The following NUGGC variants were observed in gnomAD, a reference collection of about 807,000 sequenced individuals.
NUGGC encodes nuclear GTPase, germinal center associated, also known as nuclear GTPase SLIP-GC.
Under a neutral mutation model 92.6 loss-of-function variants are expected in NUGGC, and 58 were observed. The observed-to-expected ratio is 0.63, with a 90% CI of 0.51 to 0.78. The LOEUF (loss-of-function observed/expected upper bound fraction) is 0.78. Ranked by LOEUF, NUGGC falls within the 30% of genes least tolerant of loss-of-function variation. The probability of loss-of-function intolerance (pLI) is 0.00; values close to 1 mark genes in which losing one functional copy is unlikely to be tolerated. For missense variants in NUGGC, 925 were observed against 964.6 expected, an observed-to-expected ratio of 0.96 and a Z score of 0.54; for synonymous variants, 376 against 366.4, an observed-to-expected ratio of 1.03 and a Z score of -0.30.
chr8:28,032,261 G>T (rs1809437626), intron 14 of NUGGC, among the ~76,000 whole-genome samples: 1 of 152,210 alleles, frequency 6.6e-6, no homozygotes, highest in Non-Finnish European at 1.5e-5. Flanking sequence ...CTTAAAGAAA[G>T]GTGGGGCAGG....
At chr8:28,056,252 G>T (rs1810132895) in intron 9 of NUGGC, among the ~76,000 whole-genome samples, 198 bp from the exon 10 acceptor site, 1 of 152,122 alleles carries the variant, frequency 6.6e-6, no homozygotes, top group South Asian at 2.1e-4. Context: ...GCCAAGGTAG[G>T]CAGATCACAA....
rs374718953 is a variant in NUGGC at position 28,060,557 on chromosome 8, C to A, written c.966G>T (p.Glu322Asp). 2 of 1,613,370 alleles carry A rather than the reference C, an allele frequency of 1.2e-6. No homozygotes were observed. Among genetic ancestry groups the A allele is most frequent in the Admixed American group, 1.7e-5 (1 of 59,846 alleles). Reference protein sequence around the residue: ...CSVIWVISDIERVSGGQAHED... With the variant: ...CSVIWVISDIDRVSGGQAHED... Reference sequence around the variant, plus strand: ...CGTGGGCTTGCCCCCCAGAAACTCGCTCTATGTCGCTGATCACCCAGATCA... The same window carrying A: ...CGTGGGCTTGCCCCCCAGAAACTCGATCTATGTCGCTGATCACCCAGATCA... Residue 322 changes from glutamate to aspartate, a missense_variant, in exon 8 of 19, where the codon GAG (glutamate) becomes GAT (aspartate). Glu to Asp is a conservative substitution (Grantham distance 45). Coordinates refer to ENST00000413272, the MANE Select transcript of NUGGC (RefSeq NM_001010906.2).
intron 18 of NUGGC, among the ~76,000 whole-genome samples, chr8:28,024,806 C>T (rs1192456415): frequency 6.6e-6 from 1 of 152,160 alleles, no homozygotes; most frequent in East Asian, 1.9e-4. Context: ...TTTGAGGCTT[C>T]CCCCAGGACC....
chr8:28,057,617 G>A (rs977737765), intron 9 of NUGGC, among the ~76,000 whole-genome samples: 5 of 151,946 alleles, frequency 3.3e-5, no homozygotes, highest in Non-Finnish European at 7.4e-5. Context: ...GGGATTACAG[G>A]CATGAGTCAC....
At chr8:28,077,954 T>G (rs553893258) in intron 1 of NUGGC, among the ~76,000 whole-genome samples, 2 of 152,316 alleles carry the variant, frequency 1.3e-5, no homozygotes, top group South Asian at 2.1e-4. Flanking sequence ...GTCACTGAAT[T>G]CTGGAATACG....
chr8:28,048,089 T>C (rs1049873220), intron 10 of NUGGC, among the ~76,000 whole-genome samples: 2 of 152,218 alleles, frequency 1.3e-5, no homozygotes, highest in African/African-American at 4.8e-5. Context: ...GTTTCAGTCC[T>C]GAATCTCAAA....
At chr8:28,046,334 C>T (rs916728915) in intron 11 of NUGGC, among the ~76,000 whole-genome samples, 1 of 152,194 alleles carries the variant, frequency 6.6e-6, no homozygotes, top group African/African-American at 2.4e-5. Context: ...CACATACCTA[C>T]ACGTCTAGTC....
chr8:28,057,932 C>T (rs1419165125), intron 9 of NUGGC, among the ~76,000 whole-genome samples: 2 of 152,164 alleles, frequency 1.3e-5, no homozygotes, highest in Non-Finnish European at 2.9e-5. Context: ...TGGCTCACGC[C>T]TGTAATCCCA....
intron 18 of NUGGC, among the ~76,000 whole-genome samples, chr8:28,024,272 T>A (rs1809198023): frequency 6.6e-6 from 1 of 151,488 alleles, no homozygotes; most frequent in Non-Finnish European, 1.5e-5. Flanking sequence ...CTCGAACTCT[T>A]GACCTCAGTT....
chr8:28,048,273 G>A (rs1312714623), intron 10 of NUGGC, among the ~76,000 whole-genome samples: 1 of 152,158 alleles, frequency 6.6e-6, no homozygotes, highest in Non-Finnish European at 1.5e-5. Context: ...ATCACAAGGT[G>A]GTTGTCACTG....
intron 10 of NUGGC, among the ~76,000 whole-genome samples, chr8:28,055,656 A>G (rs754968344): frequency 6.6e-6 from 1 of 152,196 alleles, no homozygotes; most frequent in Non-Finnish European, 1.5e-5. Context: ...AACATGGTGC[A>G]ATCCCATCTC....
intron 11 of NUGGC, among the ~76,000 whole-genome samples, chr8:28,046,783 C>T (rs368090219): frequency 1.3e-5 from 2 of 150,972 alleles, no homozygotes; most frequent in East Asian, 1.9e-4. Context: ...CAGATTCAAG[C>T]AATTCTCCTG....
intron 10 of NUGGC, among the ~76,000 whole-genome samples, chr8:28,054,624 C>A (rs1467534375): frequency 6.6e-6 from 1 of 152,246 alleles, no homozygotes; most frequent in Non-Finnish European, 1.5e-5. Context: ...CACTCTCCCT[C>A]TGAGCCTTTC....
At chr8:28,074,019 G>A (rs982067602) in intron 2 of NUGGC, among the ~76,000 whole-genome samples, 9 of 151,440 alleles carry the variant, frequency 5.9e-5, no homozygotes, top group East Asian at 1.9e-4. Context: ...GGCTGGTCAC[G>A]AACTCCTGAC....
At chr8:28,033,391 G>C in intron 14 of NUGGC, 149 bp downstream of exon 14, 2 of 716,956 alleles carry the variant, frequency 2.8e-6, no homozygotes, top group African/African-American at 1.8e-5. Flanking sequence ...AAACCAAGAA[G>C]GCTTTTGTGT....
chr8:28,035,069 G>A (rs1809520425), intron 13 of NUGGC, among the ~76,000 whole-genome samples: 1 of 152,146 alleles, frequency 6.6e-6, no homozygotes, highest in Non-Finnish European at 1.5e-5. Context: ...TGATGAGATG[G>A]GACAGTTGAT....
intron 13 of NUGGC, among the ~76,000 whole-genome samples, chr8:28,035,034 A>G (rs1809519687): frequency 6.6e-6 from 1 of 152,210 alleles, no homozygotes; most frequent in Non-Finnish European, 1.5e-5. Context: ...GTTTGTAGTC[A>G]CAGAGGAAGA....
At chr8:28,071,004 A>AAAAAAAT (rs1411743024) in intron 2 of NUGGC, among the ~76,000 whole-genome samples, 1 of 151,706 alleles carries the variant, frequency 6.6e-6, no homozygotes, top group Admixed American at 6.6e-5. Context: ...ATAAAAAAAT[A>AAAAAAAT]AAAAAATAGG....
intron 17 of NUGGC, among the ~76,000 whole-genome samples, chr8:28,028,000 A>G (rs1809312560): frequency 6.6e-6 from 1 of 152,158 alleles, no homozygotes; most frequent in Non-Finnish European, 1.5e-5. Flanking sequence ...ATAAAAAGAA[A>G]TTTCACCCAT....
Sources: gnomAD v4.1 joint callset for allele counts (sites outside exome capture counted in the v4.1 genomes callset) on GRCh38, gnomAD v4.1.1 for gene constraint, MANE v1.5 for transcripts, NCBI Gene and HGNC (gene_info 2026-07-23, HGNC 2026-07-21) for gene names.